Variants in POTEJ observed in about 807,000 individuals in gnomAD.
POTEJ encodes POTE ankyrin domain family member J.
In POTEJ, 11 loss-of-function variants were observed where a neutral mutation model predicts 69.0. That is an observed-to-expected ratio of 0.16 (90% CI 0.10 to 0.26). The LOEUF is 0.26. Ranked by LOEUF, POTEJ falls within the 10% of genes least tolerant of loss-of-function variation. POTEJ has a pLI of 1.00. For missense variants in POTEJ, 327 were observed against 1,045.5 expected (o/e 0.31, Z 9.48); for synonymous variants, 117 against 381.1 (o/e 0.31, Z 8.07).
chr2:130,612,755 T>C (rs1573965753), intron 1 of POTEJ, among the ~76,000 whole-genome samples: 1 of 128,212 alleles, frequency 7.8e-6, no homozygotes, highest in Non-Finnish European at 1.7e-5. Flanking sequence ...AGAGCGAGAT[T>C]CCGTCTCAAA....
intron 10 of POTEJ, among the ~76,000 whole-genome samples, chr2:130,642,751 C>G (rs1442646964): frequency 6.6e-6 from 1 of 152,270 alleles, no homozygotes; most frequent in East Asian, 1.9e-4. Flanking sequence ...TCTGGCATTA[C>G]TGAGCTGCTG....
intron 6 of POTEJ, among the ~76,000 whole-genome samples, chr2:130,629,157 C>A (rs1370201871): frequency 6.6e-6 from 1 of 150,686 alleles, no homozygotes; most frequent in South Asian, 2.1e-4. Flanking sequence ...ACTATTGTTG[C>A]AGAAAACAGG....
intron 10 of POTEJ, among the ~76,000 whole-genome samples, chr2:130,643,029 G>C (rs1280305691): frequency 6.7e-6 from 1 of 149,040 alleles, no homozygotes; most frequent in Non-Finnish European, 1.5e-5. Context: ...GTAAAACAAA[G>C]ACTGTTTTTA....
At position 130,625,076 on chromosome 2, in the gene POTEJ, A is replaced by T. The variant is rs71304534; in HGVS notation, c.1015+942A>T. Among the ~76,000 whole-genome samples, 61 of 151,692 alleles carry T rather than the reference A, an allele frequency of 4.0e-4. No homozygotes were observed. In the East Asian group the frequency reaches 8.9e-3, roughly 22 times the overall value. ...GTTGTGGACACCTAATACATTATATAGTCCAAACTGTATGAGGACACCTTT... is the reference window on the plus strand; with the variant it reads ...GTTGTGGACACCTAATACATTATATTGTCCAAACTGTATGAGGACACCTTT... On this transcript the variant is annotated intron_variant, in intron 6 of 14. Transcript: ENST00000409602.
At chr2:130,625,010 A>C (rs1395289744) in intron 6 of POTEJ, among the ~76,000 whole-genome samples, 2 of 152,150 alleles carry the variant, frequency 1.3e-5, no homozygotes, top group African/African-American at 4.8e-5. Flanking sequence ...ATAAAAGCAG[A>C]AAAACGTTTC....
At chr2:130,637,966 T>A (rs1001914249) in intron 9 of POTEJ, among the ~76,000 whole-genome samples, 1 of 147,338 alleles carries the variant, frequency 6.8e-6, no homozygotes, top group African/African-American at 2.5e-5. Context: ...TATGAAAAAA[T>A]TTAGTTACAA....
intron 13 of POTEJ, 141 bp from the exon 14 acceptor site, chr2:130,654,780 A>G (rs1443952862): frequency 1.8e-6 from 1 of 567,784 alleles, no homozygotes; most frequent in African/African-American, 2.2e-5. Context: ...CACCTGGTTA[A>G]CAGATGTGAG....
chr2:130,624,788 A>G (rs1685643366), intron 6 of POTEJ, among the ~76,000 whole-genome samples: 2 of 152,072 alleles, frequency 1.3e-5, no homozygotes, highest in South Asian at 2.1e-4. Flanking sequence ...TGCTTGTCCC[A>G]ATAAGGTCTC....
intron 9 of POTEJ, 138 bp downstream of exon 9, chr2:130,632,794 A>C: frequency 7.7e-7 from 1 of 1,291,532 alleles, no homozygotes; most frequent in Non-Finnish European, 1.1e-6. Flanking sequence ...AAAAATGAAA[A>C]TCAGCGAACA....
intron 6 of POTEJ, among the ~76,000 whole-genome samples, chr2:130,624,649 T>C (rs1170786385): frequency 6.6e-6 from 1 of 151,958 alleles, no homozygotes; most frequent in Non-Finnish European, 1.5e-5. Flanking sequence ...TAATAGTCCA[T>C]GGACTGGTAT....
At position 130,627,598 on chromosome 2, in the gene POTEJ, G is replaced by A. The variant is rs201818987; in HGVS notation, c.1016-2351G>A. Among the ~76,000 whole-genome samples the A allele has an allele frequency of 7.7e-3, 996 of 129,364 alleles. 2 individuals are homozygous for A. The East Asian group carries it at 0.13, about 17-fold the overall frequency. 84.9% of individuals were successfully genotyped at this position (129,364 alleles called of 152,430 possible). ...CAAAATACACTTTGATTTTTTCCCCGCTTGCAGCCTGCAACCAAACAGAAT... is the reference window on the plus strand; with the variant it reads ...CAAAATACACTTTGATTTTTTCCCCACTTGCAGCCTGCAACCAAACAGAAT... On this transcript the variant is annotated intron_variant, in intron 6 of 14. Transcript: ENST00000409602.
intron 13 of POTEJ, among the ~76,000 whole-genome samples, chr2:130,650,585 A>AT (rs1686774104): frequency 6.7e-6 from 1 of 148,566 alleles, no homozygotes; most frequent in African/African-American, 2.5e-5. Context: ...GACAAGGTTC[A>AT]TTTTAACAAT....
intron 9 of POTEJ, among the ~76,000 whole-genome samples, chr2:130,636,255 C>G (rs527568682): frequency 4.6e-5 from 7 of 152,212 alleles, no homozygotes; most frequent in Admixed American, 2.0e-4. Context: ...AAGGAACATC[C>G]ACTTTCTGAG....
intron 13 of POTEJ, among the ~76,000 whole-genome samples, chr2:130,650,010 A>C (rs1251164626): frequency 1.3e-5 from 2 of 152,262 alleles, no homozygotes; most frequent in African/African-American, 4.8e-5. Context: ...AGAAAATGAA[A>C]AAAAAGAGAG....
intron 1 of POTEJ, among the ~76,000 whole-genome samples, chr2:130,613,285 T>TA (rs1685290419): frequency 9.9e-6 from 1 of 101,426 alleles, no homozygotes; most frequent in South Asian, 2.5e-4. Context: ...CATATGTATA[T>TA]ATACATATAT....
At chr2:130,655,763 GTA>G in intron 14 of POTEJ, among the ~76,000 whole-genome samples, 1 of 134,796 alleles carries the variant, frequency 7.4e-6, no homozygotes, top group Non-Finnish European at 1.6e-5. Context: ...GGTTTCTTTT[GTA>G]TTTATATATT....
chr2:130,615,410 T>A (rs1249711280), intron 1 of POTEJ, among the ~76,000 whole-genome samples: 1 of 121,600 alleles, frequency 8.2e-6, no homozygotes, highest in African/African-American at 3.7e-5. Context: ...CAGCATGGAA[T>A]AATATGCAGC....
intron 9 of POTEJ, among the ~76,000 whole-genome samples, chr2:130,636,847 C>A (rs183909284): frequency 6.8e-6 from 1 of 147,632 alleles, no homozygotes; most frequent in African/African-American, 2.5e-5. Context: ...AATCACAGCA[C>A]TTTGGGAGGC....
At chr2:130,641,371 T>C (rs2105242203) in intron 10 of POTEJ, among the ~76,000 whole-genome samples, 1 of 149,612 alleles carries the variant, frequency 6.7e-6, no homozygotes, top group Non-Finnish European at 1.5e-5. Context: ...TATTTTACTA[T>C]GTTGGCCTTC....
Sources: gnomAD v4.1 joint callset for allele counts (sites outside exome capture counted in the v4.1 genomes callset) on GRCh38, gnomAD v4.1.1 for gene constraint, MANE v1.5 for transcripts, NCBI Gene and HGNC (gene_info 2026-07-23, HGNC 2026-07-21) for gene names.